Variants in ARPP21 observed in about 807,000 individuals in gnomAD.
ARPP21 encodes cAMP regulated phosphoprotein 21, also known as cAMP-regulated phosphoprotein 21.
A neutral mutation model predicts 113.2 loss-of-function variants in ARPP21; 69 were observed. That is an observed-to-expected ratio of 0.61 (90% CI 0.50 to 0.74). The LOEUF is 0.74. Ranked by LOEUF, ARPP21 falls within the 30% of genes least tolerant of loss-of-function variation. The pLI, the probability that ARPP21 is intolerant of heterozygous loss-of-function variation, is 0.00. For missense variants in ARPP21, 1,070 were observed against 1,037.4 expected, an observed-to-expected ratio of 1.03 and a Z score of -0.43; for synonymous variants, 368 against 375.5, an observed-to-expected ratio of 0.98 and a Z score of 0.23.
chr3:35,687,711 C>A lies in ARPP21; in HGVS notation c.262-28C>A, dbSNP rs2081047269. The A allele has an allele frequency of 1.9e-6, 3 of 1,588,806 alleles. No individual in the cohort carries two copies. The East Asian group carries it at 6.8e-5, about 36-fold the overall frequency. On this transcript the variant is annotated intron_variant, in intron 5 of 20. Transcript: ENST00000684406. ...CAGACAGAGATGATTAAACCTGGCC[C>A]TAAATTATTATATTTTTTCCCCAAC...
At chr3:35,723,663 T>A (rs1254041114) in intron 14 of ARPP21, among the ~76,000 whole-genome samples, 1 of 152,220 alleles carries the variant, frequency 6.6e-6, no homozygotes, top group South Asian at 2.1e-4. Context: ...TTAAGATTTT[T>A]AAATTAATAG....
intron 19 of ARPP21, among the ~76,000 whole-genome samples, chr3:35,751,121 A>C (rs541837389): frequency 6.6e-6 from 1 of 152,204 alleles, no homozygotes; most frequent in Non-Finnish European, 1.5e-5. Context: ...TACATAGCAG[A>C]GTAAAGAGGG....
chr3:35,738,232 G>C lies in ARPP21; in HGVS notation c.1663G>C (p.Ala555Pro). The change falls in exon 17 of 21, where the codon GCT (alanine) becomes CCT (proline). Residue 555 changes from alanine (A) to proline (P), a missense_variant. Transcript: ENST00000684406. ...CCTCCAGTCTGTCCAGGGGCTGCAG[G>C]CTTCCTCCCAGTCAGTGCAATATCC... ...LVTQSVQGLQ[A>P]SSQSVQYPAV... 2.6e-6 allele frequency: 4 copies of C among 1,535,952 alleles called. No individual in the cohort carries two copies. The highest frequency in any genetic ancestry group is 1.4e-5 in the African/African-American group (1 of 73,122).
At chr3:35,745,349 T>C (rs920140985) in intron 19 of ARPP21, among the ~76,000 whole-genome samples, 4 of 152,224 alleles carry the variant, frequency 2.6e-5, no homozygotes, top group Non-Finnish European at 4.4e-5. Context: ...CTAACGTTAA[T>C]TAAAGGGTTA....
chr3:35,705,699 GA>G (rs1210375236), intron 9 of ARPP21, among the ~76,000 whole-genome samples: 1 of 152,072 alleles, frequency 6.6e-6, no homozygotes, highest in East Asian at 1.9e-4. Flanking sequence ...CTCTTTAAAA[GA>G]GGCAAAAATT....
chr3:35,670,857 AAAC>A (rs570894845), intron 1 of ARPP21, among the ~76,000 whole-genome samples: 230 of 152,244 alleles, frequency 1.5e-3, no homozygotes, highest in Middle Eastern at 3.4e-3. Flanking sequence ...GCTCTGCACT[AAAC>A]AACAGTTGGA....
chr3:35,716,937 T>G (rs1173283396), intron 12 of ARPP21, among the ~76,000 whole-genome samples: 1 of 152,076 alleles, frequency 6.6e-6, no homozygotes, highest in African/African-American at 2.4e-5. Context: ...GCCTCTGGAA[T>G]GCCAATATTT....
intron 19 of ARPP21, among the ~76,000 whole-genome samples, chr3:35,762,471 CATT>C (rs1415632586): frequency 6.6e-6 from 1 of 152,006 alleles, no homozygotes; most frequent in Middle Eastern, 3.2e-3. Context: ...ATTGGCCACT[CATT>C]ATGAAACTTT....
intron 1 of ARPP21, among the ~76,000 whole-genome samples, chr3:35,670,521 C>G (rs1201892372): frequency 6.6e-6 from 1 of 151,964 alleles, no homozygotes; most frequent in Non-Finnish European, 1.5e-5. Context: ...GATGATAGGT[C>G]GGCCAAACTC....
At chr3:35,784,248 A>C (rs963299072) in intron 19 of ARPP21, among the ~76,000 whole-genome samples, 6 of 152,238 alleles carry the variant, frequency 3.9e-5, no homozygotes, top group Admixed American at 3.9e-4. Flanking sequence ...ATTGCTTGAC[A>C]TTGAATATTA....
chr3:35,762,084 G>A (rs1469040112), intron 19 of ARPP21, among the ~76,000 whole-genome samples: 1 of 117,682 alleles, frequency 8.5e-6, no homozygotes, highest in Admixed American at 8.3e-5. Flanking sequence ...TAACTACACA[G>A]ACTCTCTCTC....
chr3:35,653,489 A>G (rs1312074057), intron 1 of ARPP21, among the ~76,000 whole-genome samples: 1 of 152,010 alleles, frequency 6.6e-6, no homozygotes, highest in Non-Finnish European at 1.5e-5. Context: ...ATTTGTCTGC[A>G]TGCTTCACAG....
At chr3:35,717,389 T>G in intron 13 of ARPP21, 32 bp downstream of exon 13, 1 of 1,355,244 alleles carries the variant, frequency 7.4e-7, no homozygotes, top group African/African-American at 1.4e-5. Flanking sequence ...AAACTGTGTT[T>G]TTTTCAAATT....
At chr3:35,695,144 C>T (rs538535031) in intron 9 of ARPP21, among the ~76,000 whole-genome samples, 1 of 151,418 alleles carries the variant, frequency 6.6e-6, no homozygotes, top group Admixed American at 6.6e-5. Context: ...TTGTTCAACT[C>T]CATAGACTTA....
intron 12 of ARPP21, 102 bp downstream of exon 12, chr3:35,715,578 T>C: frequency 1.1e-6 from 1 of 904,026 alleles, no homozygotes; most frequent in Admixed American, 1.9e-5. Flanking sequence ...TGTGCTTGAA[T>C]ATATGTATTA....
At chr3:35,772,029 G>T (rs1053091299) in intron 19 of ARPP21, among the ~76,000 whole-genome samples, 7 of 151,980 alleles carry the variant, frequency 4.6e-5, no homozygotes, top group Non-Finnish European at 8.8e-5. Context: ...TATCAGATTT[G>T]GTTCAGGCTT....
Position 35,772,655 on chromosome 3 carries a change from A to G in ARPP21, c.2138-19727A>G, listed in dbSNP as rs116058757. Among the ~76,000 whole-genome samples, 1,132 of 152,216 alleles carry G rather than the reference A, an allele frequency of 7.4e-3. 7 individuals are homozygous for G. The highest frequency in any genetic ancestry group is 0.011 in the Non-Finnish European group (769 of 68,002). ...CCATTATGCCTTTTTCAATCCCAAC[A>G]TGTTTTTCTTCTAGTCCAGTGAACT... On this transcript the variant is annotated intron_variant, in intron 19 of 20. Transcript: ENST00000684406.
chr3:35,773,519 T>A (rs1333313360), intron 19 of ARPP21, among the ~76,000 whole-genome samples: 1 of 152,198 alleles, frequency 6.6e-6, no homozygotes, highest in East Asian at 1.9e-4. Context: ...TTTACCAGTG[T>A]TAGAATGTTT....
chr3:35,684,876 T>C, intron 5 of ARPP21: 4 of 985,204 alleles, frequency 4.1e-6, no homozygotes, highest in Non-Finnish European at 4.8e-6. Context: ...TCAGTGGCCA[T>C]TACTATGTTT....
Sources: allele counts gnomAD v4.1 joint callset (sites outside exome capture counted in the v4.1 genomes callset), GRCh38; gene constraint gnomAD v4.1.1; transcripts MANE v1.5; gene names NCBI Gene and HGNC (gene_info 2026-07-23, HGNC 2026-07-21).